The following SCARA5 variants were observed in gnomAD, a reference collection of about 807,000 sequenced individuals.
SCARA5 encodes the protein scavenger receptor class A, member 5 (putative).
SCARA5 carries 45 observed loss-of-function variants against 46.3 expected under a neutral mutation model. The observed-to-expected ratio is 0.97, with a 90% CI of 0.76 to 1.24. SCARA5 has a LOEUF of 1.24. Ranked by LOEUF, SCARA5 falls within the 50% of genes most tolerant of loss-of-function variation. The pLI is 0.00. For missense variants in SCARA5, 680 were observed against 689.0 expected (o/e 0.99, Z 0.15); for synonymous variants, 333 against 306.5 (o/e 1.09, Z -0.90).
intron 3 of SCARA5, among the ~76,000 whole-genome samples, chr8:27,948,663 C>T (rs1164004283): frequency 6.6e-6 from 1 of 152,154 alleles, no homozygotes; most frequent in Non-Finnish European, 1.5e-5. Flanking sequence ...AGTCCCTCTC[C>T]AAGGAAGAAA....
At chr8:27,941,176 T>G (rs552310107) in intron 3 of SCARA5, among the ~76,000 whole-genome samples, 1 of 151,974 alleles carries the variant, frequency 6.6e-6, no homozygotes, top group African/African-American at 2.4e-5. Flanking sequence ...GTAGATGATA[T>G]AGAGGAAGCA....
chr8:27,989,076 A>C (rs1344747423), intron 1 of SCARA5, among the ~76,000 whole-genome samples: 2 of 151,706 alleles, frequency 1.3e-5, no homozygotes, highest in Non-Finnish European at 2.9e-5. Context: ...CAGCAGAGCA[A>C]AACAAGAATT....
intron 7 of SCARA5, among the ~76,000 whole-genome samples, chr8:27,883,445 C>G (rs926158575): frequency 6.6e-6 from 1 of 152,212 alleles, no homozygotes; most frequent in Admixed American, 6.5e-5. Context: ...GGGACCTGAG[C>G]ATCCTCACTT....
At chr8:27,949,123 G>A (rs1048219078) in intron 3 of SCARA5, among the ~76,000 whole-genome samples, 1 of 152,226 alleles carries the variant, frequency 6.6e-6, no homozygotes, top group South Asian at 2.1e-4. Flanking sequence ...AGAACAGTGA[G>A]CTTCAGGGGA....
chr8:27,945,879 T>C (rs565903769), intron 3 of SCARA5, among the ~76,000 whole-genome samples: 1 of 152,228 alleles, frequency 6.6e-6, no homozygotes, highest in African/African-American at 2.4e-5. Flanking sequence ...AAAAAGGAAA[T>C]CTCTAAAAGT....
Position 27,922,151 on chromosome 8 carries a change from C to CGGGAT in SCARA5, c.335_336insATCCC (p.Leu113SerfsTer11). The CGGGAT allele has an allele frequency of 6.2e-7, 1 of 1,607,340 alleles. No individual in the cohort carries two copies. Among genetic ancestry groups the CGGGAT allele is most frequent in the Non-Finnish European group, 8.5e-7 (1 of 1,177,746 alleles). On this transcript the variant is annotated frameshift_variant, in exon 4 of 9. Transcript: ENST00000354914. LOFTEE classifies it high-confidence loss of function. ...GGTCCGCTTGCAGCGGAGCCTGCAG[C>CGGGAT]AGCCGCAGCTGCAAGTCCCGGAAGC...
intron 3 of SCARA5, among the ~76,000 whole-genome samples, chr8:27,932,202 A>G (rs1370855731): frequency 6.6e-6 from 1 of 150,946 alleles, no homozygotes; most frequent in South Asian, 2.1e-4. Context: ...CTTGTCTTGA[A>G]CTCCTAGACT....
intron 7 of SCARA5, among the ~76,000 whole-genome samples, chr8:27,898,415 G>A (rs1234603443): frequency 6.6e-6 from 1 of 152,198 alleles, no homozygotes; most frequent in Non-Finnish European, 1.5e-5. Context: ...TGTGGCCGGA[G>A]AGGCTAAGCG....
chr8:27,911,417 G>C (rs560950196), intron 4 of SCARA5, among the ~76,000 whole-genome samples: 2 of 152,310 alleles, frequency 1.3e-5, no homozygotes, highest in Admixed American at 1.3e-4. Flanking sequence ...ATGGGGCCAG[G>C]TGTAGTGGCT....
intron 7 of SCARA5, among the ~76,000 whole-genome samples, chr8:27,897,177 G>A (rs1274957120): frequency 6.6e-6 from 1 of 152,100 alleles, no homozygotes; most frequent in South Asian, 2.1e-4. Flanking sequence ...ACCCTCCAAG[G>A]GTGGCTTCCA....
chr8:27,957,318 C>T (rs1808221332), intron 3 of SCARA5, among the ~76,000 whole-genome samples: 1 of 152,232 alleles, frequency 6.6e-6, no homozygotes, highest in African/African-American at 2.4e-5. Flanking sequence ...GTGGCACTTA[C>T]ACCCGGTTAT....
chr8:27,903,330 T>C (rs1307733239), intron 7 of SCARA5: 1 of 152,252 alleles, frequency 6.6e-6, no homozygotes. Context: ...GTGTCTGATG[T>C]GTACTGCATG....
intron 7 of SCARA5, among the ~76,000 whole-genome samples, chr8:27,893,428 A>T (rs890930018): frequency 6.6e-5 from 10 of 152,154 alleles, no homozygotes; most frequent in African/African-American, 2.4e-4. Context: ...CTCAAAACAA[A>T]CATTTCTTTG....
chr8:27,984,580 C>T (rs1014216934), intron 2 of SCARA5, among the ~76,000 whole-genome samples: 16 of 150,074 alleles, frequency 1.1e-4, no homozygotes, highest in African/African-American at 3.0e-4. Context: ...ATTCATTCAC[C>T]CATCCATTCA....
At chr8:27,979,749 C>T (rs1808586209) in intron 2 of SCARA5, among the ~76,000 whole-genome samples, 1 of 151,958 alleles carries the variant, frequency 6.6e-6, no homozygotes. Flanking sequence ...TTAGTAGAGA[C>T]AGGGTTCCAC....
intron 4 of SCARA5, among the ~76,000 whole-genome samples, chr8:27,912,493 T>G (rs1191639983): frequency 6.6e-6 from 1 of 152,212 alleles, no homozygotes; most frequent in Non-Finnish European, 1.5e-5. Flanking sequence ...GAGAACCTGT[T>G]GGAAACAGAC....
intron 3 of SCARA5, among the ~76,000 whole-genome samples, chr8:27,928,567 C>T (rs1807717363): frequency 6.6e-6 from 1 of 152,220 alleles, no homozygotes; most frequent in South Asian, 2.1e-4. Context: ...AGTTTGGTTC[C>T]AGAGTCCCCA....
intron 3 of SCARA5, among the ~76,000 whole-genome samples, chr8:27,935,518 T>C (rs183546408): frequency 6.6e-6 from 1 of 152,116 alleles, no homozygotes; most frequent in African/African-American, 2.4e-5. Context: ...GTCTCTAGGG[T>C]CTAGGCTCCC....
chr8:27,962,870 C>T (rs1185212507), intron 3 of SCARA5, among the ~76,000 whole-genome samples: 1 of 152,216 alleles, frequency 6.6e-6, no homozygotes, highest in African/African-American at 2.4e-5. Flanking sequence ...CTTTGCCCTG[C>T]ACTCACCGAA....
Sources: allele counts gnomAD v4.1 joint callset (sites outside exome capture counted in the v4.1 genomes callset), GRCh38; gene constraint gnomAD v4.1.1; transcripts MANE v1.5; gene names NCBI Gene and HGNC (gene_info 2026-07-23, HGNC 2026-07-21).